HOMER3: variants seen among roughly 807,000 people sequenced by gnomAD.
The protein encoded by HOMER3 is homer protein homolog 3.
Under a neutral mutation model 45.5 loss-of-function variants are expected in HOMER3, and 34 were observed. The ratio of observed to expected loss-of-function variants is 0.75; its 90% CI spans 0.57 to 1.00. The LOEUF is 1.00. HOMER3 is among the 50% of genes least tolerant of loss of function. HOMER3 has a pLI of 0.00. For missense variants in HOMER3, 480 were observed against 497.5 expected, an observed-to-expected ratio of 0.96 and a Z score of 0.33; for synonymous variants, 223 against 208.8, an observed-to-expected ratio of 1.07 and a Z score of -0.58.
chr19:18,939,870 A>G (rs1373240110), intron 1 of HOMER3: 1 of 152,850 alleles, frequency 6.5e-6, no homozygotes, highest in Non-Finnish European at 1.5e-5. Context: ...CAGAGTCCAA[A>G]TCCCCAGGGA....
intron 4 of HOMER3, among the ~76,000 whole-genome samples, chr19:18,935,371 C>G (rs372414017): frequency 2.6e-5 from 4 of 151,814 alleles, no homozygotes; most frequent in Non-Finnish European, 5.9e-5. Context: ...CTCCTGACCC[C>G]GTGATCCACC....
chr19:18,935,243 G>A (rs765445273), intron 4 of HOMER3, among the ~76,000 whole-genome samples: 2 of 150,620 alleles, frequency 1.3e-5, no homozygotes, highest in South Asian at 2.1e-4. Context: ...AGGTTCAAGC[G>A]AGTCTTCTGC....
chr19:18,941,053 T>TG lies in HOMER3; in HGVS notation c.-71dup, dbSNP rs1220980660. 2 of 151,628 alleles carry TG rather than the reference T, an allele frequency of 1.3e-5. No homozygotes were observed. The highest frequency in any genetic ancestry group is 3.0e-5 in the Non-Finnish European group (2 of 67,792). 9.4% of individuals were successfully genotyped at this position (151,628 alleles called of 1,614,324 possible). On this transcript the variant is annotated 5_prime_UTR_variant, in exon 1 of 10. Coordinates refer to ENST00000392351, the MANE Select transcript of HOMER3 (RefSeq NM_004838.4). ...CAGGCTCGGCAGGCCGGGCTCACCC[T>TG]GCCAGGTCGGCGCCCCGCGAGTGTC...
In HOMER3 at chr19:18,939,068, C is replaced by CACTCA; in HGVS notation, c.-67-20_-67-19insTGAGT. 2 of 1,360,668 alleles carry CACTCA rather than the reference C, an allele frequency of 1.5e-6. No homozygotes were observed. Among genetic ancestry groups the CACTCA allele is most frequent in the Non-Finnish European group, 9.8e-7 (1 of 1,016,884 alleles). 84.3% of individuals were successfully genotyped at this position (1,360,668 alleles called of 1,614,324 possible). A position where few individuals can be genotyped will look rare whatever the true frequency, so the allele number is the denominator to read the frequency against. ...TTGGCCCCTAGGGAGAGAGGAGGGA[C>CACTCA]TATGAGTGTCCCTCAGGCCAGGCTG... is the stretch of plus-strand genomic sequence containing the variant. On this transcript the variant is annotated intron_variant, in intron 1 of 9. Coordinates refer to ENST00000392351, the MANE Select transcript of HOMER3 (RefSeq NM_004838.4).
At chr19:18,936,196 C>T (rs1283168186) in intron 4 of HOMER3, among the ~76,000 whole-genome samples, 1 of 150,436 alleles carries the variant, frequency 6.6e-6, no homozygotes, top group African/African-American at 2.4e-5. Context: ...GACTGTAATC[C>T]CAGCTACTTG....
chr19:18,931,288 A>G (rs1294708686), intron 9 of HOMER3, 37 bp downstream of exon 9: 1 of 1,531,936 alleles, frequency 6.5e-7, no homozygotes, highest in African/African-American at 1.4e-5. Context: ...GGTGACTGTC[A>G]CCCACCGTCA....
At chr19:18,930,286 G>A (rs1053064132) in intron 9 of HOMER3, among the ~76,000 whole-genome samples, 8 of 143,440 alleles carry the variant, frequency 5.6e-5, no homozygotes, top group African/African-American at 1.3e-4. Flanking sequence ...AGTGGTTTAC[G>A]CCTATAATCC....
At position 18,938,783 on chromosome 19, in the gene HOMER3, T is replaced by G. The variant is rs374896199; in HGVS notation, c.116A>C (p.Tyr39Ser). 4.4e-6 allele frequency: 7 copies of G among 1,596,736 alleles called. No homozygotes were observed. The highest frequency in any genetic ancestry group is 6.0e-6 in the Non-Finnish European group (7 of 1,172,092). The change falls in exon 3 of 10, where the codon TAT becomes TCT. Residue 39 changes from tyrosine (Y) to serine (S), a missense_variant. Coordinates refer to ENST00000392351, the MANE Select transcript of HOMER3 (RefSeq NM_004838.4). ...CACATTGCGGGTGGCATCGTAGAAA[T>G]AGGAGACAGTGAGTGCGTGCTTGCC... Reference protein sequence around the residue: ...PAGKHALTVSYFYDATRNVYR... With the variant: ...PAGKHALTVSSFYDATRNVYR...
Position 18,931,407 on chromosome 19 carries a change from A to T in HOMER3, c.812T>A (p.Ile271Asn). Residue 271 changes from isoleucine (I) to asparagine (N), a missense_variant, in exon 9 of 10, where the codon ATT (isoleucine) becomes AAT (asparagine). By Grantham distance (149) the Ile-to-Asn change is moderately radical (BLOSUM62 -3). Coordinates refer to ENST00000392351, the MANE Select transcript of HOMER3 (RefSeq NM_004838.4). ...EALVQTKDQE[I>N]QTLKSQTGGP... ...CCCAGTCTGACTCTTCAGGGTCTGA[A>T]TCTCCTAGAGGAGAAGAGTTCCCAG... The T allele has an allele frequency of 6.2e-7, 1 of 1,614,070 alleles. No homozygotes were observed. Among genetic ancestry groups the T allele is most frequent in the Admixed American group, 1.7e-5 (1 of 60,016 alleles).
intron 6 of HOMER3, 63 bp from the exon 7 acceptor site, chr19:18,932,195 TG>T: frequency 4.4e-6 from 1 of 226,614 alleles, no homozygotes; most frequent in Non-Finnish European, 7.3e-6. Context: ...CGGGCGATGC[TG>T]GGCTAGGGGG....
rs751165867 is a variant in HOMER3, at chr19:18,929,466, G to A, written c.1063C>T (p.Arg355Cys). Reference sequence around the variant, plus strand: ...GCTCAGGGCGCAGCCTCAGCCAGGCGGGCCAGGCCCTCACGCAGCTCACTC... The same window carrying A: ...GCTCAGGGCGCAGCCTCAGCCAGGCAGGCCAGGCCCTCACGCAGCTCACTC... Reference protein sequence around the residue: ...ELSELREGLARLAEAAP With the variant: ...ELSELREGLACLAEAAP Residue 355 changes from arginine to cysteine, a missense_variant, in exon 10 of 10, where the codon CGC (arginine) becomes TGC (cysteine). Transcript: ENST00000392351. The A allele has an allele frequency of 1.9e-5, 30 of 1,595,824 alleles. No homozygotes were observed. Among genetic ancestry groups the A allele is most frequent in the South Asian group, 6.7e-5 (6 of 89,508 alleles).
At chr19:18,936,419 C>T (rs545518297) in intron 4 of HOMER3, among the ~76,000 whole-genome samples, 32 of 141,946 alleles carry the variant, frequency 2.3e-4, no homozygotes, top group South Asian at 4.4e-4. Flanking sequence ...GGCGGATTAC[C>T]TGAAGTCAGG....
intron 1 of HOMER3, chr19:18,940,237 G>A (rs1042938944): frequency 6.6e-6 from 1 of 152,290 alleles, no homozygotes; most frequent in African/African-American, 2.4e-5. Flanking sequence ...TGGGAGTTGG[G>A]GAACACAGGG....
chr19:18,938,712 CAG>C lies in HOMER3; in HGVS notation c.171+14_171+15del. On this transcript the variant is annotated intron_variant, in intron 3 of 9. Coordinates refer to ENST00000392351, the MANE Select transcript of HOMER3 (RefSeq NM_004838.4). ...GGACTCCTGGTGCCTCTGCCCCACC[CAG>C]ACCCCACCCTGACCTTGGCGCCTCC... The C allele has an allele frequency of 2.9e-5, 45 of 1,533,962 alleles. No homozygotes were observed. Among genetic ancestry groups the C allele is most frequent in the South Asian group, 3.5e-5 (3 of 85,108 alleles).
At chr19:18,934,446 A>G (rs763849840) in intron 4 of HOMER3, 36 bp from the exon 5 acceptor site, 2 of 1,358,158 alleles carry the variant, frequency 1.5e-6, no homozygotes, top group Non-Finnish European at 2.0e-6. Context: ...GTAAAACCCC[A>G]GCCCATCCTC....
chr19:18,931,910 C>A, intron 7 of HOMER3, 66 bp downstream of exon 7: 1 of 1,456,272 alleles, frequency 6.9e-7, no homozygotes, highest in Non-Finnish European at 9.0e-7. Flanking sequence ...ATGGGAACTG[C>A]CGAGGCGCGG....
intron 4 of HOMER3, 29 bp downstream of exon 4, chr19:18,938,324 C>T (rs754362824): frequency 1.3e-6 from 2 of 1,589,540 alleles, no homozygotes; most frequent in East Asian, 4.5e-5. Context: ...CTCATCGGTT[C>T]CCTCCACTCT....
chr19:18,937,555 C>A (rs753301017), intron 4 of HOMER3, among the ~76,000 whole-genome samples: 10 of 150,884 alleles, frequency 6.6e-5, no homozygotes, highest in Non-Finnish European at 1.3e-4. Context: ...ACCTGTAATC[C>A]CAGCTACTCC....
At chr19:18,934,503 C>G (rs1014242885) in intron 4 of HOMER3, 93 bp from the exon 5 acceptor site, 2 of 632,514 alleles carry the variant, frequency 3.2e-6, no homozygotes, top group Admixed American at 3.7e-5. Flanking sequence ...ACTTTCGAAC[C>G]GTACCCATCC....
Sources: allele counts gnomAD v4.1 joint callset (sites outside exome capture counted in the v4.1 genomes callset), GRCh38; gene constraint gnomAD v4.1.1; transcripts MANE v1.5; gene names NCBI Gene and HGNC (gene_info 2026-07-23, HGNC 2026-07-21).